Variants in KLRG1 observed in about 807,000 individuals in gnomAD.
KLRG1 encodes killer cell lectin like receptor G1, also known as killer cell lectin-like receptor subfamily G member 1.
A neutral mutation model predicts 21.8 loss-of-function variants in KLRG1; 16 were observed. The observed-to-expected ratio is 0.73, with a 90% CI of 0.50 to 1.11. KLRG1 has a LOEUF of 1.11. Ranked by LOEUF, KLRG1 falls within the 50% of genes most tolerant of loss-of-function variation. The pLI is 0.00. For missense variants in KLRG1, 173 were observed against 218.3 expected, an observed-to-expected ratio of 0.79 and a Z score of 1.31; for synonymous variants, 69 against 75.9, an observed-to-expected ratio of 0.91 and a Z score of 0.47.
At chr12:9,157,115 G>C in the KLRG1 span, 1 of 1,521,800 alleles carries the variant, frequency 6.6e-7, no homozygotes, top group Non-Finnish European at 9.0e-7. Context: ...AATGTGTGCT[G>C]TTCCCCTCCC....
chr12:9,068,776 G>T, the KLRG1 span: 2 of 1,609,068 alleles, frequency 1.2e-6, no homozygotes, highest in East Asian at 2.2e-5. Context: ...ACTATGGCTG[G>T]TTTCAGATCT....
chr12:9,129,530 A>AAT, the KLRG1 span, among the ~76,000 whole-genome samples: 1 of 152,104 alleles, frequency 6.6e-6, no homozygotes, highest in Non-Finnish European at 1.5e-5. Context: ...TGTATATAAT[A>AAT]ATATATATGA....
the KLRG1 span, among the ~76,000 whole-genome samples, chr12:9,094,026 G>C: frequency 1.3e-5 from 2 of 152,116 alleles, no homozygotes; most frequent in Non-Finnish European, 2.9e-5. Flanking sequence ...GGGGCACAAG[G>C]ACTCTGTGGA....
chr12:9,173,029 TCTC>T, the KLRG1 span, among the ~76,000 whole-genome samples: 2 of 152,240 alleles, frequency 1.3e-5, no homozygotes, highest in Non-Finnish European at 2.9e-5. Context: ...TATACATTCT[TCTC>T]ATTGCCACAT....
the KLRG1 span, chr12:9,104,153 C>T: frequency 3.7e-6 from 5 of 1,369,564 alleles, no homozygotes; most frequent in Non-Finnish European, 4.0e-6. Context: ...TAGAACTAGA[C>T]ACAGTTTGGA....
chr12:9,182,020 A>G, the KLRG1 span: 2 of 1,613,974 alleles, frequency 1.2e-6, no homozygotes, highest in South Asian at 1.1e-5. Context: ...CAGAGTCTCC[A>G]ACAACTTCTC....
chr12:9,082,773 C>T, the KLRG1 span, among the ~76,000 whole-genome samples: 5 of 152,140 alleles, frequency 3.3e-5, no homozygotes, highest in African/African-American at 1.2e-4. Flanking sequence ...ATTCAGTGGA[C>T]TACAAGAATA....
chr12:9,119,582 G>A, the KLRG1 span, among the ~76,000 whole-genome samples: 1,184 of 152,270 alleles, frequency 7.8e-3, 13 homozygotes, highest in African/African-American at 0.027. Context: ...TGACGGAGAT[G>A]CCAGGGTGAA....
chr12:9,072,629 T>C, the KLRG1 span: 17 of 1,612,300 alleles, frequency 1.1e-5, no homozygotes, highest in Non-Finnish European at 1.4e-5. Flanking sequence ...ATCTGTCCTG[T>C]CCTCACCTGC....
chr12:9,065,153 C>CA, the KLRG1 span: 1 of 9,186 alleles, frequency 1.1e-4, no homozygotes, highest in Non-Finnish European at 2.9e-4. Flanking sequence ...TCCCTTCCTC[C>CA]CCCCCCCCCC....
the KLRG1 span, among the ~76,000 whole-genome samples, chr12:9,209,612 C>G: frequency 6.6e-6 from 1 of 152,076 alleles, no homozygotes; most frequent in Non-Finnish European, 1.5e-5. Context: ...CCAGTTTTTA[C>G]CAGATCCACC....
the KLRG1 span, among the ~76,000 whole-genome samples, chr12:9,108,795 C>T: frequency 6.6e-6 from 1 of 152,138 alleles, no homozygotes; most frequent in African/African-American, 2.4e-5. Context: ...TCAGTGCAGA[C>T]AGGTATGTAG....
chr12:9,064,467 T>C, the KLRG1 span: 1 of 154,752 alleles, frequency 6.5e-6, no homozygotes, highest in South Asian at 2.0e-4. This position sits in a 1 kb window ranked among gnomAD's most constrained non-coding sequence, Gnocchi z 4.0. Flanking sequence ...CATCCTCGCG[T>C]TGCCGGGTGG....
chr12:8,982,456 ATATGT>A (rs1423850050), intron 1 of KLRG1, among the ~76,000 whole-genome samples: 2 of 152,196 alleles, frequency 1.3e-5, no homozygotes, highest in Non-Finnish European at 2.9e-5. Flanking sequence ...GAAAATAAAT[ATATGT>A]TATGTTAAGT....
downstream of KLRG1, among the ~76,000 whole-genome samples, chr12:9,014,631 A>C (rs1021415340): frequency 2.0e-5 from 3 of 152,226 alleles, no homozygotes; most frequent in Non-Finnish European, 4.4e-5. Context: ...AATCTGAAAG[A>C]AAAGAACATA....
At chr12:9,176,443 C>T in the KLRG1 span, among the ~76,000 whole-genome samples, 1 of 152,056 alleles carries the variant, frequency 6.6e-6, no homozygotes, top group Non-Finnish European at 1.5e-5. Context: ...GCACTTGTAC[C>T]CCTGAAGTTA....
At chr12:9,133,650 A>T in the KLRG1 span, among the ~76,000 whole-genome samples, 1 of 152,172 alleles carries the variant, frequency 6.6e-6, no homozygotes. Context: ...AAAAAGGGAG[A>T]GGGCAAGTTA....
At chr12:9,214,195 T>C in the KLRG1 span, among the ~76,000 whole-genome samples, 6 of 152,066 alleles carry the variant, frequency 3.9e-5, no homozygotes, top group African/African-American at 1.4e-4. Flanking sequence ...TCTATATATC[T>C]ATCCTTATGC....
At chr12:9,029,157 C>A in the KLRG1 span, 1 of 286,858 alleles carries the variant, frequency 3.5e-6, no homozygotes, top group African/African-American at 2.2e-5. Flanking sequence ...AAGGCAAAAT[C>A]TATTTTCTTA....
Sources: gnomAD v4.1 joint callset for allele counts (sites outside exome capture counted in the v4.1 genomes callset) on GRCh38, gnomAD v4.1.1 for gene constraint, Gnocchi (gnomAD v3.1) non-coding constraint, MANE v1.5 for transcripts, NCBI Gene and HGNC (gene_info 2026-07-23, HGNC 2026-07-21) for gene names.